OVCH1: variants seen among roughly 807,000 people sequenced by gnomAD.
OVCH1 encodes the protein ovochymase 1.
Under a neutral mutation model 138.4 loss-of-function variants are expected in OVCH1, and 139 were observed. That is an observed-to-expected ratio of 1.00 (90% CI 0.87 to 1.16). OVCH1 has a LOEUF of 1.16. Among genes scored for constraint, OVCH1 ranks in the 50% most tolerant of loss-of-function variants. The probability of loss-of-function intolerance (pLI) is 0.00; values close to 1 mark genes in which losing one functional copy is unlikely to be tolerated. For synonymous variants in OVCH1, 453 were observed against 467.8 expected (o/e 0.97, Z 0.41); for missense variants, 1,367 against 1,357.9 (o/e 1.01, Z -0.11).
exon 22 of OVCH1, chr12:29,451,508 T>C: frequency 6.2e-7 from 1 of 1,613,256 alleles, no homozygotes; most frequent in East Asian, 2.2e-5. Context: ...TATAATCCAG[T>C]AGATACCGTG....
intron 14 of OVCH1, 45 bp downstream of exon 14, chr12:29,475,016 A>G (rs1330697784): frequency 6.5e-7 from 1 of 1,546,308 alleles, no homozygotes. Context: ...CCCTGTAACC[A>G]TTTGCATAAA....
rs533711866 is a variant in OVCH1 at position 29,468,399 on chromosome 12, T to C, written c.1857-3180A>G. Among the ~76,000 whole-genome samples, 118 of 152,302 alleles carry C rather than the reference T, an allele frequency of 7.7e-4. 1 individual carries two copies. The highest frequency in any genetic ancestry group is 5.6e-3 in the South Asian group (27 of 4,826). The stretch of plus-strand genomic sequence containing the variant: ...CTCACAAGCATTTACAGCTGTTTAT[T>C]AATTTCAATTGATTCATCAAGTGGA... On this transcript the variant is annotated intron_variant, in intron 16 of 27. Transcript: ENST00000318184.
intron 8 of OVCH1, among the ~76,000 whole-genome samples, chr12:29,485,407 G>A (rs1311308178): frequency 6.6e-6 from 1 of 151,566 alleles, no homozygotes; most frequent in Non-Finnish European, 1.5e-5. Context: ...TTGGGAGGCC[G>A]AGGCGGGTGG....
intron 26 of OVCH1, among the ~76,000 whole-genome samples, chr12:29,436,944 G>C (rs575908303): frequency 2.0e-5 from 3 of 152,254 alleles, no homozygotes; most frequent in Admixed American, 6.5e-5. Flanking sequence ...TGCTGGCCCC[G>C]GTGGCCAGCT....
At position 29,480,684 on chromosome 12, in the gene OVCH1, C is replaced by G. The variant is rs1036892374; in HGVS notation, c.996-1776G>C. On this transcript the variant is annotated intron_variant, in intron 8 of 27. Transcript: ENST00000318184. ...TGGATATGAAAGGAAGGAGGGCAAC[C>G]TGGGTGGTATCTGTCATTTCTGAGA... 2.0e-5 allele frequency among the ~76,000 whole-genome samples: 3 copies of G among 152,200 alleles called. No individual in the cohort carries two copies. In the South Asian group the frequency reaches 6.2e-4, roughly 32 times the overall value.
chr12:29,468,550 C>T (rs770796730), intron 16 of OVCH1, among the ~76,000 whole-genome samples: 66 of 152,058 alleles, frequency 4.3e-4, no homozygotes, highest in African/African-American at 6.3e-4. Flanking sequence ...GCTTTTTCTG[C>T]GTCTCTGTAC....
chr12:29,497,119 A>G (rs1402156896), intron 1 of OVCH1, among the ~76,000 whole-genome samples: 1 of 152,132 alleles, frequency 6.6e-6, no homozygotes. Flanking sequence ...AAATGTAAAA[A>G]TTAGCCAAGT....
At chr12:29,415,374 G>A (rs1941019378) in intron 3 of OVCH1, among the ~76,000 whole-genome samples, 1 of 152,136 alleles carries the variant, frequency 6.6e-6, no homozygotes, top group Non-Finnish European at 1.5e-5. Context: ...AAGATTTTAA[G>A]GGCACTAAAT....
At chr12:29,404,748 C>T in the OVCH1 span, among the ~76,000 whole-genome samples, 22 of 152,076 alleles carry the variant, frequency 1.4e-4, no homozygotes, top group South Asian at 4.2e-3. Flanking sequence ...ATCAGCCGGG[C>T]GCGGTGGGTC....
At chr12:29,404,592 C>G in the OVCH1 span, among the ~76,000 whole-genome samples, 1 of 152,166 alleles carries the variant, frequency 6.6e-6, no homozygotes, top group Non-Finnish European at 1.5e-5. Flanking sequence ...ACTGTAGACT[C>G]TGCCATGAAG....
At chr12:29,473,537 AC>A (rs1397796610) in intron 14 of OVCH1, among the ~76,000 whole-genome samples, 8 of 152,000 alleles carry the variant, frequency 5.3e-5, no homozygotes, top group Non-Finnish European at 1.0e-4. Flanking sequence ...AGATATCCCC[AC>A]TTGGATTTCC....
At chr12:29,411,353 C>T (rs1253242137), downstream of OVCH1, among the ~76,000 whole-genome samples, 3 of 151,282 alleles carry the variant, frequency 2.0e-5, no homozygotes, top group South Asian at 2.1e-4. Flanking sequence ...TGAGGAACTG[C>T]GTTCCTTTGG....
chr12:29,446,108 A>G (rs905252622), intron 22 of OVCH1, among the ~76,000 whole-genome samples: 1 of 152,008 alleles, frequency 6.6e-6, no homozygotes, highest in Non-Finnish European at 1.5e-5. Context: ...TCCATTTAAG[A>G]TAGCATATAT....
chr12:29,466,881 TA>T (rs1942338989), intron 16 of OVCH1, among the ~76,000 whole-genome samples: 1 of 152,324 alleles, frequency 6.6e-6, no homozygotes, highest in Non-Finnish European at 1.5e-5. Context: ...TCCATTTCTT[TA>T]AACACTGTTT....
At chr12:29,424,668 T>C (rs993447078), downstream of OVCH1, among the ~76,000 whole-genome samples, 3 of 152,166 alleles carry the variant, frequency 2.0e-5, no homozygotes, top group African/African-American at 7.2e-5. Context: ...GGCAAGCTAC[T>C]CAACCTCTCT....
chr12:29,490,238 TTTTA>T (rs913442185), intron 5 of OVCH1, among the ~76,000 whole-genome samples: 5 of 151,978 alleles, frequency 3.3e-5, no homozygotes, highest in East Asian at 1.9e-4. Context: ...ATTTTTTATT[TTTTA>T]TTTATTTATT....
chr12:29,407,015 G>C, the OVCH1 span, among the ~76,000 whole-genome samples: 2 of 151,790 alleles, frequency 1.3e-5, no homozygotes, highest in Non-Finnish European at 2.9e-5. Context: ...GTGTGAGATG[G>C]TATCTCGTTG....
At chr12:29,466,076 A>G (rs1247635110) in intron 16 of OVCH1, among the ~76,000 whole-genome samples, 1 of 125,892 alleles carries the variant, frequency 7.9e-6, no homozygotes, top group Admixed American at 1.0e-4. Flanking sequence ...GAAGGGGAAG[A>G]TCACACACCG....
In OVCH1 at chr12:29,474,545, A is replaced by G. The variant is rs148064218; in HGVS notation, c.1600+516T>C. Among the ~76,000 whole-genome samples the G allele has an allele frequency of 6.5e-3, 984 of 152,294 alleles. 7 individuals are homozygous for G. Among genetic ancestry groups the G allele is most frequent in the African/African-American group, 0.023 (942 of 41,558 alleles). ...AATTTAATGCCTCATGTTCAACATG[A>G]TCTCACTCCTGCCTTTTCTATTATT... On this transcript the variant is annotated intron_variant, in intron 14 of 27. Transcript: ENST00000318184.
Sources: gnomAD v4.1 joint callset for allele counts (sites outside exome capture counted in the v4.1 genomes callset) on GRCh38, gnomAD v4.1.1 for gene constraint, MANE v1.5 for transcripts, NCBI Gene and HGNC (gene_info 2026-07-23, HGNC 2026-07-21) for gene names.